Variants in ITFG1 observed in about 807,000 individuals in gnomAD.
ITFG1 encodes the protein integrin alpha FG-GAP repeat containing 1, also known as T-cell immunomodulatory protein.
ITFG1 carries 34 observed loss-of-function variants against 81.8 expected under a neutral mutation model. That is an observed-to-expected ratio of 0.42 (90% CI 0.32 to 0.55). The LOEUF (loss-of-function observed/expected upper bound fraction) is 0.55. Among genes scored for constraint, ITFG1 ranks in the 20% least tolerant of loss-of-function variants. ITFG1 has a pLI of 0.17. For synonymous variants in ITFG1, 285 were observed against 270.6 expected (o/e 1.05, Z -0.52); for missense variants, 672 against 755.4 (o/e 0.89, Z 1.29).
intron 6 of ITFG1, among the ~76,000 whole-genome samples, chr16:47,396,589 A>T (rs1253112709): frequency 6.6e-6 from 1 of 151,434 alleles, no homozygotes; most frequent in Non-Finnish European, 1.5e-5. Flanking sequence ...TTTACCTAGA[A>T]TTAGGGTGTC....
intron 8 of ITFG1, among the ~76,000 whole-genome samples, chr16:47,343,743 A>T (rs772342830): frequency 6.6e-6 from 1 of 152,156 alleles, no homozygotes; most frequent in Non-Finnish European, 1.5e-5. Context: ...ACCCTTCCGC[A>T]CTGCTGGTAG....
At chr16:47,197,958 A>G (rs1308857380) in intron 14 of ITFG1, among the ~76,000 whole-genome samples, 1 of 152,316 alleles carries the variant, frequency 6.6e-6, no homozygotes, top group Middle Eastern at 3.4e-3. Context: ...CAAATTAGGG[A>G]ATGCTGAGAT....
chr16:47,319,466 A>G (rs762366538), intron 8 of ITFG1, among the ~76,000 whole-genome samples: 9 of 152,242 alleles, frequency 5.9e-5, no homozygotes, highest in Non-Finnish European at 7.3e-5. Context: ...TTTAAGAAGT[A>G]GCTAGTTTAG....
intron 6 of ITFG1, among the ~76,000 whole-genome samples, chr16:47,398,252 T>C (rs1409930932): frequency 1.3e-5 from 2 of 151,876 alleles, no homozygotes; most frequent in African/African-American, 4.8e-5. Context: ...TTACAGGCGC[T>C]GATGAAGAAA....
chr16:47,286,547 G>A lies in ITFG1; in HGVS notation c.1070+24693C>T, dbSNP rs942316728. Among the ~76,000 whole-genome samples, 24 of 151,992 alleles carry A rather than the reference G, an allele frequency of 1.6e-4. 1 individual carries two copies. The highest frequency in any genetic ancestry group is 5.9e-4 in the Admixed American group (9 of 15,262). On this transcript the variant is annotated intron_variant, in intron 10 of 17. Coordinates refer to ENST00000320640, the MANE Select transcript of ITFG1 (RefSeq NM_030790.5). Reference sequence around the variant, plus strand: ...CACACCTACTTGGGAGGCTGAGGCAGGAGAATCACTTGAACCCGGGAGGCA... The same window carrying A: ...CACACCTACTTGGGAGGCTGAGGCAAGAGAATCACTTGAACCCGGGAGGCA...
At chr16:47,184,375 A>G (rs993640031) in intron 14 of ITFG1, among the ~76,000 whole-genome samples, 1 of 152,218 alleles carries the variant, frequency 6.6e-6, no homozygotes, top group African/African-American at 2.4e-5. Flanking sequence ...GGGCAGCCAG[A>G]GAGAAAGGTC....
At chr16:47,195,219 T>C (rs1965343380) in intron 14 of ITFG1, among the ~76,000 whole-genome samples, 1 of 152,216 alleles carries the variant, frequency 6.6e-6, no homozygotes, top group African/African-American at 2.4e-5. Context: ...TGTGTTTGTA[T>C]GTTGAGGGCA....
intron 10 of ITFG1, among the ~76,000 whole-genome samples, chr16:47,271,510 C>T (rs913012306): frequency 1.5e-4 from 23 of 152,080 alleles, no homozygotes; most frequent in African/African-American, 4.6e-4. Flanking sequence ...ATAATGTAGA[C>T]GGGAATATAA....
chr16:47,261,938 G>T (rs948451404), intron 10 of ITFG1, among the ~76,000 whole-genome samples: 2 of 152,224 alleles, frequency 1.3e-5, no homozygotes, highest in African/African-American at 4.8e-5. Context: ...TTCCCAAAGT[G>T]CTGGGATAAT....
intron 14 of ITFG1, among the ~76,000 whole-genome samples, chr16:47,180,253 C>T (rs1358346573): frequency 2.0e-5 from 3 of 152,062 alleles, no homozygotes. Context: ...ACGTGGAAGA[C>T]ATCTATTTGG....
intron 14 of ITFG1, among the ~76,000 whole-genome samples, chr16:47,206,324 C>T (rs997897399): frequency 1.3e-5 from 2 of 152,220 alleles, no homozygotes; most frequent in South Asian, 2.1e-4. Context: ...GACAGCTACC[C>T]TGCTACCTAT....
At chr16:47,363,941 G>A (rs1968143079) in intron 8 of ITFG1, among the ~76,000 whole-genome samples, 1 of 151,856 alleles carries the variant, frequency 6.6e-6, no homozygotes, top group Non-Finnish European at 1.5e-5. Context: ...TCAACTGAAT[G>A]GTAAATTTCT....
chr16:47,221,858 T>C (rs1203792294), intron 13 of ITFG1, among the ~76,000 whole-genome samples: 1 of 152,256 alleles, frequency 6.6e-6, no homozygotes, highest in Admixed American at 6.5e-5. Flanking sequence ...CTAGATTTTC[T>C]AGTTTATTTG....
chr16:47,357,395 G>A (rs923398815), intron 8 of ITFG1, among the ~76,000 whole-genome samples: 5 of 151,788 alleles, frequency 3.3e-5, no homozygotes, highest in South Asian at 2.1e-4. Flanking sequence ...TGGGCGGATC[G>A]TGAGGTCAGG....
chr16:47,306,261 T>C (rs1418485231), intron 10 of ITFG1, among the ~76,000 whole-genome samples: 1 of 152,084 alleles, frequency 6.6e-6, no homozygotes, highest in Admixed American at 6.5e-5. Context: ...TTAAATAACA[T>C]AATTAACTGG....
At chr16:47,433,986 C>T (rs1320361334) in intron 5 of ITFG1, among the ~76,000 whole-genome samples, 1 of 147,076 alleles carries the variant, frequency 6.8e-6, no homozygotes, top group Non-Finnish European at 1.5e-5. Context: ...TGAAGTTGCT[C>T]TTTGGAACTG....
chr16:47,246,842 G>A (rs1246683160), intron 12 of ITFG1, among the ~76,000 whole-genome samples: 1 of 152,004 alleles, frequency 6.6e-6, no homozygotes, highest in African/African-American at 2.4e-5. Flanking sequence ...TCACTCTGTT[G>A]CCCACGCTGA....
chr16:47,224,006 A>C (rs570283610), intron 13 of ITFG1, among the ~76,000 whole-genome samples: 2 of 145,514 alleles, frequency 1.4e-5, no homozygotes, highest in African/African-American at 2.5e-5. Context: ...ATAGGTGGGA[A>C]TTGAACAATG....
At chr16:47,376,626 A>G (rs1276831447) in intron 6 of ITFG1, among the ~76,000 whole-genome samples, 1 of 152,220 alleles carries the variant, frequency 6.6e-6, no homozygotes, top group Admixed American at 6.5e-5. Context: ...TAGTGAATAT[A>G]TAAGGTATTA....
Sources: allele counts gnomAD v4.1 joint callset (sites outside exome capture counted in the v4.1 genomes callset), GRCh38; gene constraint gnomAD v4.1.1; transcripts MANE v1.5; gene names NCBI Gene and HGNC (gene_info 2026-07-23, HGNC 2026-07-21).